Variants in FGL1 observed in about 807,000 individuals in gnomAD.
The protein encoded by FGL1 is fibrinogen-like protein 1.
Under a neutral mutation model 43.7 loss-of-function variants are expected in FGL1, and 59 were observed. That is an observed-to-expected ratio of 1.35 (90% CI 1.10 to 1.68). The LOEUF is 1.68. Ranked by LOEUF, FGL1 falls within the 40% of genes most tolerant of loss-of-function variation. FGL1 has a pLI of 0.00. For synonymous variants in FGL1, 192 were observed against 126.5 expected, an observed-to-expected ratio of 1.52 and a Z score of -3.48; for missense variants, 596 against 373.0, an observed-to-expected ratio of 1.60 and a Z score of -4.92.
chr8:17,876,089 G>T (rs1039406711), intron 3 of FGL1, among the ~76,000 whole-genome samples: 4 of 152,122 alleles, frequency 2.6e-5, no homozygotes, highest in Non-Finnish European at 5.9e-5. Flanking sequence ...ACAATCTCAA[G>T]AAGAGCCGTC....
At position 17,882,114 on chromosome 8, in the gene FGL1, C is replaced by A; in HGVS notation, c.129G>T (p.Arg43=). Residue 43 remains arginine, a synonymous_variant, in exon 3 of 8, where the codon CGG becomes CGT. Coordinates refer to ENST00000427924, the MANE Select transcript of FGL1 (RefSeq NM_004467.4). ...TGATCTTGACCTGTTGCTGTTTGAC[C>A]CGGGTCTCAAGCAGGCGCACCTGGG... The part of the protein sequence containing the change: ...LRAQVRLLET[R]VKQQQVKIKQ... 1 of 1,613,974 alleles carries A rather than the reference C, an allele frequency of 6.2e-7. No homozygotes were observed. Among genetic ancestry groups the A allele is most frequent in the Non-Finnish European group, 8.5e-7 (1 of 1,179,974 alleles).
At position 17,874,423 on chromosome 8, in the gene FGL1, A is replaced by G; in HGVS notation, c.343T>C (p.Ser115Pro). 1 of 1,614,152 alleles carries G rather than the reference A, an allele frequency of 6.2e-7. No homozygotes were observed. The highest frequency in any genetic ancestry group is 8.5e-7 in the Non-Finnish European group (1 of 1,179,994). Reference protein sequence around the residue: ...PAEFSVYCDMSDGGGWTVIQR... With the variant: ...PAEFSVYCDMPDGGGWTVIQR... ...ATTACAGTCCATCCTCCTCCATCGG[A>G]CATGTCACAATAAACAGAAAATTCT... The change falls in exon 4 of 8, where the codon TCC (serine) becomes CCC (proline). Residue 115 changes from serine to proline, a missense_variant. Ser to Pro is a moderately conservative substitution (Grantham distance 74). Coordinates refer to ENST00000427924, the MANE Select transcript of FGL1 (RefSeq NM_004467.4).
chr8:17,885,226 G>A (rs909971658), intron 2 of FGL1, among the ~76,000 whole-genome samples: 1 of 151,636 alleles, frequency 6.6e-6, no homozygotes, highest in African/African-American at 2.4e-5. Flanking sequence ...ATTTTTTTTA[G>A]TAAAGATGGG....
chr8:17,877,833 G>T (rs931414437), intron 3 of FGL1, among the ~76,000 whole-genome samples: 1 of 152,160 alleles, frequency 6.6e-6, no homozygotes, highest in Admixed American at 6.6e-5. Flanking sequence ...GAGAGAATGC[G>T]ATACTCTTGT....
Position 17,864,494 on chromosome 8 carries a change from C to A in FGL1, c.*98G>T. On this transcript the variant is annotated 3_prime_UTR_variant, in exon 8 of 8. Transcript: ENST00000427924. ...GAAGAATGAAAAGCACTACTCACAA[C>A]AGTTATCATGATTGCGCATGGATAT... The A allele has an allele frequency of 7.6e-7, 1 of 1,318,334 alleles. No individual in the cohort carries two copies. The highest frequency in any genetic ancestry group is 1.0e-6 in the Non-Finnish European group (1 of 968,256). The allele number at this position is 1,318,334 out of a possible 1,614,324, so 81.7% of individuals were successfully genotyped here.
Position 17,882,229 on chromosome 8 carries a change from A to G in FGL1, c.64-50T>C, listed in dbSNP as rs780591035. 4 of 1,484,794 alleles carry G rather than the reference A, an allele frequency of 2.7e-6. No homozygotes were observed. The African/African-American group carries it at 5.7e-5, about 21-fold the overall frequency. 92.0% of individuals were successfully genotyped at this position (1,484,794 alleles called of 1,614,324 possible). On this transcript the variant is annotated intron_variant, in intron 2 of 7. Coordinates refer to ENST00000427924, the MANE Select transcript of FGL1 (RefSeq NM_004467.4). The stretch of plus-strand genomic sequence containing the variant: ...AGTATGCACCTCATTTTCATGGAAA[A>G]CAAGTGCTTTTTAAACATTTGGATA...
intron 5 of FGL1, 152 bp from the exon 6 acceptor site, chr8:17,869,156 T>C: frequency 2.0e-6 from 1 of 495,178 alleles, no homozygotes; most frequent in South Asian, 3.9e-5. Context: ...CTCCTTTGTA[T>C]ATATAACATG....
At chr8:17,885,696 C>G (rs1047890827) in intron 1 of FGL1, 125 bp from the exon 2 acceptor site, 35 of 680,344 alleles carry the variant, frequency 5.1e-5, no homozygotes, top group Non-Finnish European at 7.9e-5. Context: ...TTAGAGTCGC[C>G]GAGGAAATTC....
chr8:17,883,369 T>C (rs1563458443), intron 2 of FGL1, among the ~76,000 whole-genome samples: 1 of 110,874 alleles, frequency 9.0e-6, no homozygotes, highest in Non-Finnish European at 1.6e-5. Context: ...ATATATAATA[T>C]ATAAAATAAT....
At chr8:17,881,906 T>A in intron 3 of FGL1, 93 bp downstream of exon 3, 1 of 1,052,046 alleles carries the variant, frequency 9.5e-7, no homozygotes. Context: ...TGCTTGTTAC[T>A]GAAATAGGAA....
chr8:17,880,021 G>C (rs917515762), intron 3 of FGL1, among the ~76,000 whole-genome samples: 2 of 152,162 alleles, frequency 1.3e-5, no homozygotes, highest in Non-Finnish European at 2.9e-5. Context: ...ATGTTCTTTT[G>C]GGATCACTTA....
intron 3 of FGL1, among the ~76,000 whole-genome samples, chr8:17,875,512 T>C (rs776826878): frequency 0.026 from 235 of 9,114 alleles, 3 homozygotes; most frequent in African/African-American, 0.047. Flanking sequence ...TCTTTCTTTC[T>C]TTCTTTCTTT....
chr8:17,883,132 AAAT>A (rs564568374), intron 2 of FGL1, among the ~76,000 whole-genome samples: 3 of 78,902 alleles, frequency 3.8e-5, no homozygotes, highest in African/African-American at 1.2e-4. Flanking sequence ...ATAATATATT[AAAT>A]AATATATAAT....
chr8:17,871,508 A>AC (rs1048548695), intron 5 of FGL1, among the ~76,000 whole-genome samples: 7 of 151,966 alleles, frequency 4.6e-5, no homozygotes, highest in African/African-American at 1.7e-4. Flanking sequence ...AAAAACAAAA[A>AC]AAAAAAACTT....
intron 2 of FGL1, among the ~76,000 whole-genome samples, chr8:17,883,693 T>TTA (rs888038458): frequency 3.3e-4 from 47 of 144,024 alleles, no homozygotes; most frequent in East Asian, 1.6e-3. Context: ...TATATATTTT[T>TTA]TATATATATA....
At chr8:17,871,687 A>AAAGCT (rs2053363671) in intron 5 of FGL1, among the ~76,000 whole-genome samples, 1 of 152,170 alleles carries the variant, frequency 6.6e-6, no homozygotes, top group African/African-American at 2.4e-5. Context: ...GTAATTCATT[A>AAAGCT]ATTCATTAGC....
intron 1 of FGL1, among the ~76,000 whole-genome samples, chr8:17,887,602 C>A (rs929458322): frequency 1.3e-5 from 2 of 152,154 alleles, no homozygotes; most frequent in Non-Finnish European, 2.9e-5. Context: ...GTAATCCCAG[C>A]ACTTCGAGAG....
intron 1 of FGL1, among the ~76,000 whole-genome samples, chr8:17,889,279 G>A (rs1260365457): frequency 1.3e-5 from 2 of 152,204 alleles, no homozygotes; most frequent in Non-Finnish European, 1.5e-5. Flanking sequence ...GCTGGGCGTG[G>A]TGGCTTACGC....
intron 5 of FGL1, among the ~76,000 whole-genome samples, chr8:17,871,336 A>C (rs2053356569): frequency 6.6e-6 from 1 of 151,964 alleles, no homozygotes. Context: ...TCTACTAAAA[A>C]TACAAAAATT....
Sources: allele counts gnomAD v4.1 joint callset (sites outside exome capture counted in the v4.1 genomes callset), GRCh38; gene constraint gnomAD v4.1.1; transcripts MANE v1.5; gene names NCBI Gene and HGNC (gene_info 2026-07-23, HGNC 2026-07-21).